DNAH12: variants seen among roughly 807,000 people sequenced by gnomAD.
The protein encoded by DNAH12 is dynein axonemal heavy chain 12.
A neutral mutation model predicts 371.5 loss-of-function variants in DNAH12; 285 were observed. The ratio of observed to expected loss-of-function variants is 0.77; its 90% CI spans 0.70 to 0.85. DNAH12 has a LOEUF of 0.85. Among genes scored for constraint, DNAH12 ranks in the 40% least tolerant of loss-of-function variants. The pLI is 0.00. For missense variants in DNAH12, 3,611 were observed against 3,689.4 expected (o/e 0.98, Z 0.55); for synonymous variants, 1,200 against 1,213.0 (o/e 0.99, Z 0.22).
rs1347990941 is a variant in DNAH12 at position 57,334,579 on chromosome 3, C to T, written c.9864G>A (p.Trp3288Ter). Reference sequence around the variant, plus strand: ...GCTCTTTACTGTCATAGATTTCTCGCCATTCATATATATGTTCACAAAAAT... The same window carrying T: ...GCTCTTTACTGTCATAGATTTCTCGTCATTCATATATATGTTCACAAAAAT... ...RQHFCEHIYE[W>*]REIYDSKEPH... Residue 3288 changes from tryptophan (W) to a stop codon, truncating the protein, a stop_gained, in exon 62 of 74, where the codon TGG becomes TGA. Coordinates refer to ENST00000495027, the MANE Select transcript of DNAH12 (RefSeq NM_001366028.2). LOFTEE classifies it high-confidence loss of function. 3.2e-6 allele frequency: 5 copies of T among 1,548,954 alleles called. No individual in the cohort carries two copies. The highest frequency in any genetic ancestry group is 4.4e-6 in the Non-Finnish European group (5 of 1,146,526).
intron 13 of DNAH12, among the ~76,000 whole-genome samples, chr3:57,478,448 T>C (rs1305893621): frequency 6.6e-6 from 1 of 152,140 alleles, no homozygotes; most frequent in Non-Finnish European, 1.5e-5. Flanking sequence ...CTACGTCTGA[T>C]TGGTGTACCT....
chr3:57,297,562 G>T (rs377713326), intron 70 of DNAH12, among the ~76,000 whole-genome samples: 13 of 151,872 alleles, frequency 8.6e-5, no homozygotes, highest in African/African-American at 2.9e-4. Context: ...CAGCATGTTG[G>T]CCAGGCTGGT....
upstream of DNAH12, among the ~76,000 whole-genome samples, chr3:57,545,382 C>T (rs2069487690): frequency 6.6e-6 from 1 of 150,610 alleles, no homozygotes; most frequent in Admixed American, 6.6e-5. Flanking sequence ...TGGTCTTGAA[C>T]TCCTGACCTC....
At chr3:57,348,031 G>A (rs985923846) in intron 60 of DNAH12, among the ~76,000 whole-genome samples, 4 of 152,166 alleles carry the variant, frequency 2.6e-5, no homozygotes, top group African/African-American at 7.2e-5. Context: ...ACCCAAAGGA[G>A]TTGAAAACTT....
At chr3:57,315,186 C>G (rs1392265978) in intron 65 of DNAH12, among the ~76,000 whole-genome samples, 1 of 151,788 alleles carries the variant, frequency 6.6e-6, no homozygotes, top group African/African-American at 2.4e-5. Flanking sequence ...AGGATGGTCG[C>G]CCAAGTCTTT....
At chr3:57,383,689 G>A (rs901604946) in intron 49 of DNAH12, among the ~76,000 whole-genome samples, 1 of 148,182 alleles carries the variant, frequency 6.7e-6, no homozygotes, top group African/African-American at 2.5e-5. Flanking sequence ...TAGCCCAAAA[G>A]TTTCAGGTTG....
chr3:57,476,890 GT>G (rs2066547004), intron 13 of DNAH12, among the ~76,000 whole-genome samples: 1 of 152,124 alleles, frequency 6.6e-6, no homozygotes, highest in Non-Finnish European at 1.5e-5. Context: ...AATCTATATT[GT>G]TTAAGGACAT....
intron 59 of DNAH12, among the ~76,000 whole-genome samples, chr3:57,356,513 G>C (rs1365766291): frequency 3.3e-5 from 5 of 151,176 alleles, no homozygotes; most frequent in African/African-American, 1.2e-4. Context: ...AGAAATGTGG[G>C]ACTGAAGCCT....
chr3:57,327,473 G>C (rs1382890060), intron 62 of DNAH12, among the ~76,000 whole-genome samples: 1 of 152,106 alleles, frequency 6.6e-6, no homozygotes, highest in Admixed American at 6.6e-5. Context: ...GGTACATAGC[G>C]AAATGAAGGC....
intron 60 of DNAH12, among the ~76,000 whole-genome samples, chr3:57,336,048 C>A (rs1298443369): frequency 2.6e-5 from 4 of 152,186 alleles, no homozygotes; most frequent in African/African-American, 9.6e-5. Flanking sequence ...GTGGCACAAT[C>A]ATAGTTCACT....
rs765861866 is a variant in DNAH12, at chr3:57,437,073, AAAGT to A, written c.4546-17_4546-14del. 2.0e-6 allele frequency: 3 copies of A among 1,476,676 alleles called. No individual in the cohort carries two copies. The South Asian group carries it at 4.1e-5, about 20-fold the overall frequency. 91.5% of individuals were successfully genotyped at this position (1,476,676 alleles called of 1,614,324 possible). ...ATTCCAAAAATTCCTGAAATAAAAA[AAAGT>A]AATGCATTTCTACAACACAATATTA... On this transcript the variant is annotated splice_polypyrimidine_tract_variant and intron_variant, in intron 29 of 73. Transcript: ENST00000495027.
At chr3:57,446,922 C>G (rs761414031) in intron 25 of DNAH12, among the ~76,000 whole-genome samples, 4 of 152,098 alleles carry the variant, frequency 2.6e-5, no homozygotes, top group Non-Finnish European at 4.4e-5. Flanking sequence ...TCATAGGTAT[C>G]CCATTTGTTT....
chr3:57,428,279 TAA>T (rs2064844394), intron 34 of DNAH12: 1 of 900,904 alleles, frequency 1.1e-6, no homozygotes, highest in Non-Finnish European at 1.5e-6. Context: ...CCTGGGAAGC[TAA>T]TACAATATGT....
chr3:57,352,360 T>C (rs546674896), intron 59 of DNAH12, 135 bp from the exon 60 acceptor site: 51 of 942,698 alleles, frequency 5.4e-5, no homozygotes, highest in Middle Eastern at 6.7e-4. Context: ...CACGAGGGCA[T>C]GTAAAACTGG....
chr3:57,419,402 A>G lies in DNAH12; in HGVS notation c.5679T>C (p.Tyr1893=), dbSNP rs765071830. The part of the protein sequence containing the change: ...IIVPTMDTIR[Y]TFLMDLSITY... ...TAATACTCAAATCCATTAGAAACGT[A>G]TATCTAATTGTGTCCATCGTAGGGA... The change falls in exon 37 of 74, where the codon TAT becomes TAC. Residue 1893 remains tyrosine (Y), a synonymous_variant. Transcript: ENST00000495027. 1.6e-5 allele frequency: 24 copies of G among 1,509,174 alleles called. No homozygotes were observed. The highest frequency in any genetic ancestry group is 2.2e-4 in the Middle Eastern group (1 of 4,478). 93.5% of individuals were successfully genotyped at this position (1,509,174 alleles called of 1,614,324 possible).
At chr3:57,429,844 T>TA in intron 32 of DNAH12, 70 bp from the exon 33 acceptor site, 1 of 1,287,460 alleles carries the variant, frequency 7.8e-7, no homozygotes, top group Non-Finnish European at 1.0e-6. Context: ...ATTTATACTA[T>TA]GTATAAAATA....
chr3:57,539,750 ACTACAGGTGC>A lies in DNAH12; in HGVS notation c.170+2941_170+2950del, dbSNP rs1327974645. Among the ~76,000 whole-genome samples, 4 of 151,214 alleles carry A rather than the reference ACTACAGGTGC, an allele frequency of 2.6e-5. No homozygotes were observed. The South Asian group carries it at 8.3e-4, about 32-fold the overall frequency. On this transcript the variant is annotated intron_variant, in intron 2 of 73. Coordinates refer to ENST00000495027, the MANE Select transcript of DNAH12 (RefSeq NM_001366028.2). ...TGCCTCAGCCTCCCGAGTAGCTGGG[ACTACAGGTGC>A]CTGCCACCATACCCGGCTAATTTTT... is the stretch of plus-strand genomic sequence containing the variant.
intron 12 of DNAH12, among the ~76,000 whole-genome samples, chr3:57,488,310 A>T (rs2067003019): frequency 6.6e-6 from 1 of 152,014 alleles, no homozygotes; most frequent in African/African-American, 2.4e-5. Context: ...CTCCTGCCTC[A>T]ACCTCCTGAG....
Position 57,400,529 on chromosome 3 carries a change from T to A in DNAH12, c.6948+2780A>T, listed in dbSNP as rs905212098. Among the ~76,000 whole-genome samples, 492 of 152,354 alleles carry A rather than the reference T, an allele frequency of 3.2e-3. 4 individuals are homozygous for A. The highest frequency in any genetic ancestry group is 0.011 in the African/African-American group (443 of 41,584). The stretch of plus-strand genomic sequence containing the variant: ...AGATAGTACTGAATCCTACATATGC[T>A]ATTTTTTCCATACATAACTATGATT... On this transcript the variant is annotated intron_variant, in intron 43 of 73. Coordinates refer to ENST00000495027, the MANE Select transcript of DNAH12 (RefSeq NM_001366028.2).
Sources: allele counts gnomAD v4.1 joint callset (sites outside exome capture counted in the v4.1 genomes callset), GRCh38; gene constraint gnomAD v4.1.1; transcripts MANE v1.5; gene names NCBI Gene and HGNC (gene_info 2026-07-23, HGNC 2026-07-21).